The following GLI2 variants were observed in gnomAD, a reference collection of about 807,000 sequenced individuals.
GLI2 encodes GLI family zinc finger 2.
GLI2 carries 22 observed loss-of-function variants against 78.9 expected under a neutral mutation model. That is an observed-to-expected ratio of 0.28 (90% CI 0.20 to 0.40). The LOEUF is 0.40. GLI2 is among the 10% of genes least tolerant of loss of function. The pLI is 1.00. For missense variants in GLI2, 2,097 were observed against 2,213.2 expected, an observed-to-expected ratio of 0.95 and a Z score of 1.05; for synonymous variants, 974 against 963.7, an observed-to-expected ratio of 1.01 and a Z score of -0.20.
rs1328273385 is a variant in GLI2, at chr2:120,923,258, A to ACT, written c.149-4102_149-4101insTC. ...GCAACACACACACACAACAGCACAC[A>ACT]CATACACAGCAACATACATGTACAA... On this transcript the variant is annotated intron_variant, in intron 2 of 13. Coordinates refer to ENST00000361492, the MANE Select transcript of GLI2 (RefSeq NM_001374353.1). Among the ~76,000 whole-genome samples the ACT allele has an allele frequency of 4.8e-5, 6 of 125,434 alleles. 1 individual carries two copies. The East Asian group carries it at 1.5e-3, about 31-fold the overall frequency. 82.3% of individuals were successfully genotyped at this position (125,434 alleles called of 152,430 possible).
rs187698384 is a variant in GLI2 at position 120,965,584 on chromosome 2, C to T, written c.644-3130C>T. On this transcript the variant is annotated intron_variant, in intron 5 of 13. Transcript: ENST00000361492. ...AGATGCTGCGGCAGAGGGGCACGCTCCAGCCGGGATGCAGATGCTGCGGCA... is the reference window on the plus strand; with the variant it reads ...AGATGCTGCGGCAGAGGGGCACGCTTCAGCCGGGATGCAGATGCTGCGGCA... 1.4e-3 allele frequency among the ~76,000 whole-genome samples: 201 copies of T among 142,328 alleles called. 7 individuals are homozygous for T. The highest frequency in any genetic ancestry group is 2.0e-3 in the Non-Finnish European group (131 of 64,736). The allele number at this position is 142,328 out of a possible 152,430, so 93.4% of individuals were successfully genotyped here.
intron 1 of GLI2, among the ~76,000 whole-genome samples, chr2:120,778,266 G>T (rs1192748345): frequency 6.6e-6 from 1 of 152,110 alleles, no homozygotes; most frequent in Non-Finnish European, 1.5e-5. Context: ...CCAATTATTT[G>T]GCAGCCCTGG....
At chr2:120,875,672 A>G (rs957775657) in intron 2 of GLI2, among the ~76,000 whole-genome samples, 2 of 152,168 alleles carry the variant, frequency 1.3e-5, no homozygotes, top group Admixed American at 6.5e-5. Context: ...GTTATTACCT[A>G]TAAATTCTGG....
chr2:120,870,903 G>A (rs936051812), intron 2 of GLI2, among the ~76,000 whole-genome samples: 3 of 152,162 alleles, frequency 2.0e-5, no homozygotes, highest in South Asian at 2.1e-4. Context: ...ATTCTAGACC[G>A]AGTCCTGGGC....
At chr2:120,872,169 A>G (rs935384946) in intron 2 of GLI2, among the ~76,000 whole-genome samples, 1 of 152,318 alleles carries the variant, frequency 6.6e-6, no homozygotes, top group South Asian at 2.1e-4. Flanking sequence ...ACTTGCTCCA[A>G]GCCCATAGCT....
At chr2:120,891,718 C>T (rs140091721) in intron 2 of GLI2, among the ~76,000 whole-genome samples, 6 of 152,246 alleles carry the variant, frequency 3.9e-5, no homozygotes, top group African/African-American at 1.4e-4. Flanking sequence ...GAGTGGAGGG[C>T]ACCACACATG....
At chr2:120,964,636 C>T (rs1330612484) in intron 5 of GLI2, among the ~76,000 whole-genome samples, 3 of 152,222 alleles carry the variant, frequency 2.0e-5, no homozygotes, top group Admixed American at 6.5e-5. Flanking sequence ...GTAGCAGGCA[C>T]GTGCTGTAGG....
At chr2:120,799,774 A>G (rs143173974) in intron 2 of GLI2, among the ~76,000 whole-genome samples, 257 of 152,320 alleles carry the variant, frequency 1.7e-3, no homozygotes, top group African/African-American at 6.0e-3. Context: ...ATCCTCATGT[A>G]TTCAGCAACC....
chr2:120,738,269 G>T (rs1412444548), intron 1 of GLI2, among the ~76,000 whole-genome samples: 2 of 152,164 alleles, frequency 1.3e-5, no homozygotes, highest in African/African-American at 4.8e-5. Context: ...TATGCTTCTT[G>T]TGCCTCTTTC....
At chr2:120,870,547 G>T (rs1305447981) in intron 2 of GLI2, among the ~76,000 whole-genome samples, 2 of 152,182 alleles carry the variant, frequency 1.3e-5, no homozygotes, top group Non-Finnish European at 1.5e-5. Context: ...GGCCTCAGCG[G>T]AGGTGTGACT....
At chr2:120,854,947 G>C (rs1353181829) in intron 2 of GLI2, among the ~76,000 whole-genome samples, 1 of 152,232 alleles carries the variant, frequency 6.6e-6, no homozygotes, top group Admixed American at 6.5e-5. Context: ...GGCCTGTCCA[G>C]GGCCAGCATG....
rs1218059463 is a variant in GLI2 at position 120,988,806 on chromosome 2, C to T, written c.2841C>T (p.Gly947=). 2.1e-6 allele frequency: 3 copies of T among 1,402,796 alleles called. No homozygotes were observed. Among genetic ancestry groups the T allele is most frequent in the Admixed American group, 2.8e-5 (1 of 36,004 alleles). The allele number at this position is 1,402,796 out of a possible 1,614,324, so 86.9% of individuals were successfully genotyped here. ...CCTTCCCCCACGAGGCTCCAGGCGG[C>T]GGAGCCAGGCGGGCCAGCGACCCTG... ...APAFPHEAPG[G]GARRASDPVR... Residue 947 remains glycine, a synonymous_variant, in exon 14 of 14, where the codon GGC becomes GGT. Coordinates refer to ENST00000361492, the MANE Select transcript of GLI2 (RefSeq NM_001374353.1).
intron 3 of GLI2, among the ~76,000 whole-genome samples, chr2:120,936,535 A>G (rs1573632191): frequency 6.6e-6 from 1 of 152,286 alleles, no homozygotes; most frequent in Non-Finnish European, 1.5e-5. Context: ...GATCTCACCA[A>G]GCCAGAGCTC....
At chr2:120,886,788 A>G (rs1165482874) in intron 2 of GLI2, among the ~76,000 whole-genome samples, 1 of 152,222 alleles carries the variant, frequency 6.6e-6, no homozygotes, top group African/African-American at 2.4e-5. Flanking sequence ...CAGGGCCCCA[A>G]GGAACCCCAG....
At chr2:120,947,911 C>T (rs1183832391) in intron 3 of GLI2, among the ~76,000 whole-genome samples, 2 of 152,222 alleles carry the variant, frequency 1.3e-5, no homozygotes, top group African/African-American at 2.4e-5. Flanking sequence ...GCAGCCTTCC[C>T]TGGCACAGGG....
At chr2:120,965,888 C>G (rs891949714) in intron 5 of GLI2, among the ~76,000 whole-genome samples, 5 of 152,348 alleles carry the variant, frequency 3.3e-5, no homozygotes, top group South Asian at 4.1e-4. Context: ...AGTGAGTTAC[C>G]TGCTCTGCCC....
At chr2:120,804,151 T>C (rs935175882) in intron 2 of GLI2, among the ~76,000 whole-genome samples, 2 of 152,198 alleles carry the variant, frequency 1.3e-5, no homozygotes, top group African/African-American at 4.8e-5. Flanking sequence ...TAGCAGAATA[T>C]TTAGACGACT....
intron 1 of GLI2, among the ~76,000 whole-genome samples, chr2:120,750,826 G>A (rs1682847264): frequency 1.3e-5 from 2 of 152,216 alleles, no homozygotes; most frequent in Admixed American, 6.5e-5. Flanking sequence ...AAAGGGGTCC[G>A]ATGTTTACCA....
chr2:120,958,499 G>A (rs182973008), intron 5 of GLI2, among the ~76,000 whole-genome samples: 3 of 152,016 alleles, frequency 2.0e-5, no homozygotes, highest in Middle Eastern at 3.4e-3. Flanking sequence ...GTGACATATC[G>A]CCCTCGTAGC....
Sources: allele counts gnomAD v4.1 joint callset (sites outside exome capture counted in the v4.1 genomes callset), GRCh38; gene constraint gnomAD v4.1.1; transcripts MANE v1.5; gene names NCBI Gene and HGNC (gene_info 2026-07-23, HGNC 2026-07-21).